IRAK2: variants seen among roughly 807,000 people sequenced by gnomAD.
IRAK2 encodes interleukin-1 receptor-associated kinase-like 2.
Under a neutral mutation model 72.0 loss-of-function variants are expected in IRAK2, and 57 were observed. The ratio of observed to expected loss-of-function variants is 0.79; its 90% confidence interval spans 0.64 to 0.99. The LOEUF is 0.99. IRAK2 is among the 50% of genes least tolerant of loss of function. IRAK2 has a pLI of 0.00. For missense variants in IRAK2, 790 were observed against 794.4 expected (o/e 0.99, Z 0.07); for synonymous variants, 293 against 312.7 (o/e 0.94, Z 0.67).
chr3:10,169,077 T>C (rs1012584103), intron 1 of IRAK2, among the ~76,000 whole-genome samples: 2 of 152,152 alleles, frequency 1.3e-5, no homozygotes, highest in Middle Eastern at 3.2e-3. Flanking sequence ...AGGACCGTGA[T>C]GGTGACCCCG....
chr3:10,178,169 G>A lies in IRAK2; in HGVS notation c.277+149G>A, dbSNP rs1046622142. Reference sequence around the variant, plus strand: ...GAGTTTACCATGCACATAAGAAACTGGTAACAGGCCAGGTGCGGTGGCTCA... The same window carrying A: ...GAGTTTACCATGCACATAAGAAACTAGTAACAGGCCAGGTGCGGTGGCTCA... On this transcript the variant is annotated intron_variant, in intron 2 of 12. Transcript: ENST00000256458. 5.2e-5 allele frequency: 36 copies of A among 694,564 alleles called. No homozygotes were observed. The Middle Eastern group carries it at 1.2e-3, about 24-fold the overall frequency. 43.0% of individuals were successfully genotyped at this position (694,564 alleles called of 1,614,324 possible). A position where few individuals can be genotyped will look rare whatever the true frequency, so the allele number is the denominator to read the frequency against.
intron 2 of IRAK2, among the ~76,000 whole-genome samples, chr3:10,190,560 C>T (rs1697159602): frequency 6.6e-6 from 1 of 152,102 alleles, no homozygotes; most frequent in Admixed American, 6.6e-5. Flanking sequence ...CTGTTGGTCT[C>T]TTGAGAGTGG....
intron 4 of IRAK2, among the ~76,000 whole-genome samples, chr3:10,211,811 C>T (rs1697525804): frequency 6.6e-6 from 1 of 152,132 alleles, no homozygotes; most frequent in Admixed American, 6.6e-5. Flanking sequence ...GGCGCGGTGG[C>T]TCGTGCCTGT....
rs563657538 is a variant in IRAK2 at position 10,208,342 on chromosome 3, C to T, written c.425-1247C>T. On this transcript the variant is annotated intron_variant, in intron 3 of 12. Coordinates refer to ENST00000256458, the MANE Select transcript of IRAK2 (RefSeq NM_001570.4). ...TTTGAGACAGGGTCTCATTCTGCCTCCTAGGCTAGAGTGCAGTGGTGTGAT... is the reference window on the plus strand; with the variant it reads ...TTTGAGACAGGGTCTCATTCTGCCTTCTAGGCTAGAGTGCAGTGGTGTGAT... Among the ~76,000 whole-genome samples, 33 of 152,002 alleles carry T rather than the reference C, an allele frequency of 2.2e-4. 1 individual carries two copies. In the South Asian group the frequency reaches 6.6e-3, roughly 31 times the overall value.
Position 10,219,692 on chromosome 3 carries a change from C to A in IRAK2, c.916C>A (p.Pro306Thr). 2 of 1,613,612 alleles carry A rather than the reference C, an allele frequency of 1.2e-6. No homozygotes were observed. The highest frequency in any genetic ancestry group is 2.2e-5 in the South Asian group (2 of 91,066). Residue 306 changes from proline to threonine, a missense_variant, in exon 8 of 13, where the codon CCC becomes ACC. Coordinates refer to ENST00000256458, the MANE Select transcript of IRAK2 (RefSeq NM_001570.4). ...TTCTTTCTCTTAGGGTGGCTCGGAC[C>A]CCCTCCCCTGGCCCCAGCGTGTCAG... The part of the protein sequence containing the change: ...DRLQGQGGSD[P>T]LPWPQRVSIC...
intron 1 of IRAK2, among the ~76,000 whole-genome samples, chr3:10,173,918 G>A (rs895774769): frequency 2.0e-5 from 3 of 152,194 alleles, no homozygotes; most frequent in African/African-American, 7.2e-5. Flanking sequence ...AAATGTCTAA[G>A]CTGGAAGGCA....
chr3:10,226,278 G>A (rs548584403), intron 9 of IRAK2, 93 bp from the exon 10 acceptor site: 1 of 1,001,726 alleles, frequency 1.0e-6, no homozygotes, highest in East Asian at 2.7e-5. Context: ...AGCTGCACCT[G>A]GAGCTCAGAA....
At chr3:10,172,666 C>A (rs1232514411) in intron 1 of IRAK2, among the ~76,000 whole-genome samples, 1 of 148,908 alleles carries the variant, frequency 6.7e-6, no homozygotes, top group Admixed American at 6.7e-5. Context: ...AGTGAAACCC[C>A]GTCTCTACCA....
intron 2 of IRAK2, among the ~76,000 whole-genome samples, chr3:10,192,089 C>T (rs1012841076): frequency 5.3e-5 from 8 of 149,710 alleles, no homozygotes; most frequent in African/African-American, 1.7e-4. Context: ...TGTGTATGGC[C>T]TGGAGGGCCA....
chr3:10,213,524 A>T lies in IRAK2; in HGVS notation c.764A>T (p.Gln255Leu), dbSNP rs760480758. 6.2e-7 allele frequency: 1 copy of T among 1,614,126 alleles called. No homozygotes were observed. The highest frequency in any genetic ancestry group is 8.5e-7 in the Non-Finnish European group (1 of 1,179,976). ...SSPGSIERFF[Q>L]AELQICLRCC... Reference sequence around the variant, plus strand: ...CCAGGATCAATCGAAAGATTCTTCCAGGCAGAGTTGCAGATTTGTCTTAGG... The same window carrying T: ...CCAGGATCAATCGAAAGATTCTTCCTGGCAGAGTTGCAGATTTGTCTTAGG... Residue 255 changes from glutamine to leucine, a missense_variant, in exon 6 of 13, where the codon CAG (glutamine) becomes CTG (leucine). Transcript: ENST00000256458.
At chr3:10,232,000 G>A (rs1220456229) in intron 10 of IRAK2, among the ~76,000 whole-genome samples, 3 of 152,114 alleles carry the variant, frequency 2.0e-5, no homozygotes, top group Non-Finnish European at 4.4e-5. Flanking sequence ...GGTGGCGGGT[G>A]CCTGTAGTCC....
chr3:10,242,022 C>T (rs991142657), intron 12 of IRAK2, 94 bp from the exon 13 acceptor site: 15 of 674,148 alleles, frequency 2.2e-5, no homozygotes, highest in Non-Finnish European at 3.6e-5. Context: ...ACACTCAGGG[C>T]CTGATTCAGA....
At chr3:10,210,122 T>A (rs1004574336) in intron 4 of IRAK2, among the ~76,000 whole-genome samples, 1 of 152,174 alleles carries the variant, frequency 6.6e-6, no homozygotes, top group Admixed American at 6.5e-5. Flanking sequence ...GGTCTCACCA[T>A]GTTGGCCAGC....
rs566655663 is a variant in IRAK2, at chr3:10,181,531, C to T, written c.277+3511C>T. 2.4e-4 allele frequency among the ~76,000 whole-genome samples: 37 copies of T among 152,122 alleles called. No individual in the cohort carries two copies. In the South Asian group the frequency reaches 5.2e-3, roughly 21 times the overall value. ...AGGAGAATTGCTTGAACCTGGGAGG[C>T]GGAGGTTGCAGTGAGGGGAGATTGC... is the stretch of plus-strand genomic sequence containing the variant. On this transcript the variant is annotated intron_variant, in intron 2 of 12. Coordinates refer to ENST00000256458, the MANE Select transcript of IRAK2 (RefSeq NM_001570.4).
At chr3:10,236,667 G>C (rs1469375826) in intron 11 of IRAK2, among the ~76,000 whole-genome samples, 2 of 152,010 alleles carry the variant, frequency 1.3e-5, no homozygotes, top group East Asian at 1.9e-4. Context: ...TTTTTAAGCA[G>C]AGGTAGGACA....
At chr3:10,221,520 T>C (rs894384613) in intron 8 of IRAK2, among the ~76,000 whole-genome samples, 5 of 151,780 alleles carry the variant, frequency 3.3e-5, no homozygotes, top group South Asian at 2.1e-4. Context: ...CCCAAAGTGC[T>C]GGGATTACAG....
intron 2 of IRAK2, among the ~76,000 whole-genome samples, chr3:10,193,483 C>T (rs747874491): frequency 2.0e-5 from 3 of 151,824 alleles, no homozygotes; most frequent in South Asian, 4.2e-4. Flanking sequence ...ATTAGCCTGG[C>T]GTGGTGGCGT....
chr3:10,230,504 A>G (rs1697844258), intron 10 of IRAK2, among the ~76,000 whole-genome samples: 1 of 152,076 alleles, frequency 6.6e-6, no homozygotes, highest in Non-Finnish European at 1.5e-5. Context: ...AGGTTTATTG[A>G]AGGTTAAATA....
rs907101709 is a variant in IRAK2 at position 10,240,774 on chromosome 3, G to A, written c.1766-1342G>A. Among the ~76,000 whole-genome samples, 4 of 151,342 alleles carry A rather than the reference G, an allele frequency of 2.6e-5. No homozygotes were observed. In the South Asian group the frequency reaches 8.4e-4, roughly 32 times the overall value. On this transcript the variant is annotated intron_variant, in intron 12 of 12. Coordinates refer to ENST00000256458, the MANE Select transcript of IRAK2 (RefSeq NM_001570.4). Reference sequence around the variant, plus strand: ...GGGTTTCTCCATGTTGGTCAGGCTGGTCTTGAACTCCCAACCTCAGGTGAT... The same window carrying A: ...GGGTTTCTCCATGTTGGTCAGGCTGATCTTGAACTCCCAACCTCAGGTGAT...
Sources: allele counts gnomAD v4.1 joint callset (sites outside exome capture counted in the v4.1 genomes callset), GRCh38; gene constraint gnomAD v4.1.1; transcripts MANE v1.5; gene names NCBI Gene and HGNC (gene_info 2026-07-23, HGNC 2026-07-21).